The following ERC1 variants were observed in gnomAD, a reference collection of about 807,000 sequenced individuals.
ERC1 encodes RAB6 interacting protein 2.
In ERC1, 56 loss-of-function variants were observed where a neutral mutation model predicts 132.0. That is an observed-to-expected ratio of 0.42 (90% CI 0.34 to 0.53). The LOEUF is 0.53. Ranked by LOEUF, ERC1 falls within the 20% of genes least tolerant of loss-of-function variation. The pLI is 0.03. For synonymous variants in ERC1, 478 were observed against 476.1 expected (o/e 1.00, Z -0.05); for missense variants, 1,202 against 1,349.9 (o/e 0.89, Z 1.72).
intron 2 of ERC1, among the ~76,000 whole-genome samples, chr12:1,046,350 C>T (rs1304781118): frequency 2.6e-5 from 4 of 152,154 alleles, no homozygotes; most frequent in Admixed American, 6.6e-5. Flanking sequence ...TAGCCAAATC[C>T]TTCCTACAGG....
chr12:1,441,308 G>A (rs542965782), intron 17 of ERC1, among the ~76,000 whole-genome samples: 32 of 151,560 alleles, frequency 2.1e-4, no homozygotes, highest in African/African-American at 5.1e-4. Context: ...TGATCTACCC[G>A]CCTCAGCCTC....
intron 18 of ERC1, among the ~76,000 whole-genome samples, chr12:1,458,673 G>A (rs547084523): frequency 1.7e-4 from 26 of 151,866 alleles, no homozygotes; most frequent in Non-Finnish European, 3.4e-4. Context: ...TAACTGAATC[G>A]GATTACAGGC....
intron 2 of ERC1, among the ~76,000 whole-genome samples, chr12:1,082,428 A>C (rs1942344543): frequency 6.7e-6 from 1 of 149,698 alleles, no homozygotes; most frequent in South Asian, 2.1e-4. Context: ...TGCTGGGATT[A>C]TAGGTGTGAG....
At position 1,204,635 on chromosome 12, in the gene ERC1, G is replaced by A. The variant is rs1322619727; in HGVS notation, c.2351+14583G>A. 3.2e-6 allele frequency: 3 copies of A among 923,302 alleles called. No individual in the cohort carries two copies. In the South Asian group the frequency reaches 5.0e-5, roughly 15 times the overall value. 57.2% of individuals were successfully genotyped at this position (923,302 alleles called of 1,614,324 possible). A position where few individuals can be genotyped will look rare whatever the true frequency, so the allele number is the denominator to read the frequency against. On this transcript the variant is annotated intron_variant, in intron 12 of 18. Transcript: ENST00000360905. ...GGGATATCTAGAAATCTAGCTGTGA[G>A]GATAAAATGTCAAGGGTATTGGGTT...
At chr12:1,450,362 T>C (rs2093399495) in intron 18 of ERC1, among the ~76,000 whole-genome samples, 1 of 152,228 alleles carries the variant, frequency 6.6e-6, no homozygotes, top group Non-Finnish European at 1.5e-5. Context: ...GCCTTCTGAT[T>C]TTACTCCTGT....
chr12:1,490,120 C>T lies in ERC1; in HGVS notation c.3241C>T (p.Arg1081Trp), dbSNP rs752407405. ...QLQDELEKGE[R>W]DNAELQEFAN... is the part of the protein sequence containing the mutation. ...TCAGGATGAGTTAGAGAAAGGTGAACGGGACAATGCAGAACTGCAGGAGTT... is the reference window on the plus strand; with the variant it reads ...TCAGGATGAGTTAGAGAAAGGTGAATGGGACAATGCAGAACTGCAGGAGTT... Residue 1081 changes from arginine (R) to tryptophan (W), a missense_variant, in exon 19 of 19, where the codon CGG (arginine) becomes TGG (tryptophan). Transcript: ENST00000360905. 4.9e-5 allele frequency: 79 copies of T among 1,613,948 alleles called. 1 individual carries two copies. The highest frequency in any genetic ancestry group is 6.4e-5 in the Non-Finnish European group (75 of 1,179,974).
chr12:1,118,612 T>G (rs1946713311), intron 7 of ERC1, among the ~76,000 whole-genome samples: 1 of 152,258 alleles, frequency 6.6e-6, no homozygotes, highest in Non-Finnish European at 1.5e-5. Context: ...ATTTTAAGAA[T>G]GTAATATGTC....
rs1367900396 is a variant in ERC1, at chr12:1,490,732, G to A, written c.*502G>A. The A allele has an allele frequency of 4.3e-6, 1 of 233,982 alleles. No homozygotes were observed. Among genetic ancestry groups the A allele is most frequent in the African/African-American group, 2.2e-5 (1 of 45,334 alleles). 14.5% of individuals were successfully genotyped at this position (233,982 alleles called of 1,614,324 possible). A position where few individuals can be genotyped will look rare whatever the true frequency, so the allele number is the denominator to read the frequency against. ...TCAAAAAGATTAGAAAAAGAGAAGG[G>A]GGGAAGGGAAGAGAAAATCGACTCT... is the stretch of plus-strand genomic sequence containing the variant. On this transcript the variant is annotated 3_prime_UTR_variant, in exon 19 of 19. Transcript: ENST00000360905.
chr12:1,482,316 C>G lies in ERC1; in HGVS notation c.3214-7777C>G, dbSNP rs140233873. 3.4e-3 allele frequency among the ~76,000 whole-genome samples: 524 copies of G among 152,244 alleles called. 4 individuals are homozygous for G. Among genetic ancestry groups the G allele is most frequent in the African/African-American group, 0.012 (485 of 41,536 alleles). ...TGCTGTCAAGAAAATACCCACCCCC[C>G]CAACCCTGCCTTCCTTTCTGTCCAG... On this transcript the variant is annotated intron_variant, in intron 18 of 18. Transcript: ENST00000360905.
chr12:1,485,201 C>CTTTTTTTTTTT (rs71441650), intron 18 of ERC1, among the ~76,000 whole-genome samples: 1 of 96,376 alleles, frequency 1.0e-5, no homozygotes, highest in Non-Finnish European at 2.0e-5. Flanking sequence ...GTTTATATTT[C>CTTTTTTTTTTT]TTTTTTTTTT....
intron 3 of ERC1, among the ~76,000 whole-genome samples, chr12:1,097,414 A>G (rs1779385160): frequency 6.6e-6 from 1 of 152,278 alleles, no homozygotes; most frequent in African/African-American, 2.4e-5. Flanking sequence ...CCTTTTCTCT[A>G]GGCTACATCA....
chr12:1,463,244 T>G (rs907265763), intron 18 of ERC1, among the ~76,000 whole-genome samples: 1 of 152,182 alleles, frequency 6.6e-6, no homozygotes, highest in African/African-American at 2.4e-5. Context: ...GCACAGAACC[T>G]AGGAGTCATC....
At chr12:1,314,067 G>C (rs2081513492) in intron 15 of ERC1, among the ~76,000 whole-genome samples, 1 of 152,142 alleles carries the variant, frequency 6.6e-6, no homozygotes, top group African/African-American at 2.4e-5. Flanking sequence ...CTATGTTGCT[G>C]ACATGCTAAC....
chr12:1,060,508 A>G (rs1370748493), intron 2 of ERC1, among the ~76,000 whole-genome samples: 1 of 152,144 alleles, frequency 6.6e-6, no homozygotes, highest in African/African-American at 2.4e-5. Context: ...ACATGAACTC[A>G]TCATTTTTTA....
chr12:1,196,569 C>T (rs1956256557), intron 12 of ERC1, among the ~76,000 whole-genome samples: 1 of 150,336 alleles, frequency 6.7e-6, no homozygotes, highest in African/African-American at 2.5e-5. Context: ...TGACAGCTCA[C>T]TATAGCCTAG....
chr12:1,429,202 G>T (rs1054411551), intron 17 of ERC1, among the ~76,000 whole-genome samples: 4 of 152,188 alleles, frequency 2.6e-5, no homozygotes, highest in Non-Finnish European at 4.4e-5. Context: ...GATTTGGCAA[G>T]CCTAGAAAGG....
At chr12:1,017,764 G>A (rs964406479) in intron 1 of ERC1, among the ~76,000 whole-genome samples, 26 of 152,212 alleles carry the variant, frequency 1.7e-4, no homozygotes, top group African/African-American at 5.5e-4. Flanking sequence ...CTCCCAAAGT[G>A]CTAGGATTAC....
chr12:1,320,310 C>T (rs538692279), intron 15 of ERC1, among the ~76,000 whole-genome samples: 1 of 152,334 alleles, frequency 6.6e-6, no homozygotes, highest in African/African-American at 2.4e-5. Context: ...CTCTACCCCA[C>T]ATGTGCTCTC....
In ERC1 at chr12:1,110,369, G is replaced by A. The variant is rs770557581; in HGVS notation, c.1317+22G>A. The A allele has an allele frequency of 3.8e-6, 6 of 1,567,602 alleles. No homozygotes were observed. In the South Asian group the frequency reaches 7.2e-5, roughly 19 times the overall value. On this transcript the variant is annotated intron_variant, in intron 5 of 18. Coordinates refer to ENST00000360905, the MANE Select transcript of ERC1 (RefSeq NM_178040.4). ...TAAGGTAATGGCATGTGAGACTTTT[G>A]ATTCTTAAAAGGAGTTTGAAAAATT...
Sources: allele counts gnomAD v4.1 joint callset (sites outside exome capture counted in the v4.1 genomes callset), GRCh38; gene constraint gnomAD v4.1.1; transcripts MANE v1.5; gene names NCBI Gene and HGNC (gene_info 2026-07-23, HGNC 2026-07-21).